Variants in PTPRT observed in about 807,000 individuals in gnomAD.
PTPRT encodes protein tyrosine phosphatase receptor type T, also known as receptor-type tyrosine-protein phosphatase T.
A neutral mutation model predicts 176.8 loss-of-function variants in PTPRT; 56 were observed. The observed-to-expected ratio is 0.32, with a 90% CI of 0.26 to 0.40. The LOEUF is 0.40. Among genes scored for constraint, PTPRT ranks in the 10% least tolerant of loss-of-function variants. The pLI, the probability that PTPRT is intolerant of heterozygous loss-of-function variation, is 1.00. For missense variants in PTPRT, 1,540 were observed against 1,908.2 expected (o/e 0.81, Z 3.60); for synonymous variants, 783 against 739.0 (o/e 1.06, Z -0.96).
At chr20:43,061,637 A>G (rs926223816) in intron 1 of PTPRT, among the ~76,000 whole-genome samples, 6 of 152,086 alleles carry the variant, frequency 3.9e-5, no homozygotes, top group African/African-American at 1.4e-4. Context: ...CTGAGCACTT[A>G]CTCCATGTCT....
At chr20:42,490,630 A>G (rs566339415) in intron 7 of PTPRT, among the ~76,000 whole-genome samples, 1 of 152,166 alleles carries the variant, frequency 6.6e-6, no homozygotes, top group African/African-American at 2.4e-5. Context: ...AAGGATTATC[A>G]TATCATCTAC....
At chr20:42,924,866 T>G (rs1222175864) in intron 1 of PTPRT, among the ~76,000 whole-genome samples, 1 of 152,206 alleles carries the variant, frequency 6.6e-6, no homozygotes, top group African/African-American at 2.4e-5. Context: ...ACCTGGGAGC[T>G]TGTTAAACGC....
intron 11 of PTPRT, among the ~76,000 whole-genome samples, chr20:42,320,611 A>G (rs2057786683): frequency 6.6e-6 from 1 of 152,196 alleles, no homozygotes. Flanking sequence ...GTTTCACTGC[A>G]AATGATGTAT....
At chr20:42,139,714 C>T (rs1988534861) in intron 18 of PTPRT, among the ~76,000 whole-genome samples, 1 of 152,218 alleles carries the variant, frequency 6.6e-6, no homozygotes, top group Non-Finnish European at 1.5e-5. Flanking sequence ...AGCTCAGAGT[C>T]TCAGGCATAG....
chr20:42,976,886 G>C (rs958352013), intron 1 of PTPRT, among the ~76,000 whole-genome samples: 1 of 152,130 alleles, frequency 6.6e-6, no homozygotes, highest in Non-Finnish European at 1.5e-5. Context: ...CCACCTCTGG[G>C]AACTGCAATT....
At chr20:42,141,135 G>A (rs931419634) in intron 18 of PTPRT, among the ~76,000 whole-genome samples, 12 of 152,270 alleles carry the variant, frequency 7.9e-5, no homozygotes, top group South Asian at 2.1e-4. Context: ...TTAGCTCTGC[G>A]TAACATGCCT....
At position 42,073,498 on chromosome 20, in the gene PTPRT, AG is replaced by A. The variant is rs1393985403; in HGVS notation, c.*7380del. On this transcript the variant is annotated 3_prime_UTR_variant, in exon 31 of 31. Transcript: ENST00000373187. ...ACCTCTGGAGATAATGTGTATGGTA[AG>A]AAAAGCCCTGCTCTGTGTCCTACTT... 1 of 208,512 alleles carries A rather than the reference AG, an allele frequency of 4.8e-6. No individual in the cohort carries two copies. Among genetic ancestry groups the A allele is most frequent in the Non-Finnish European group, 9.8e-6 (1 of 102,144 alleles). 12.9% of individuals were successfully genotyped at this position (208,512 alleles called of 1,614,324 possible). A position where few individuals can be genotyped will look rare whatever the true frequency, so the allele number is the denominator to read the frequency against.
At chr20:42,611,726 C>A (rs1224724041) in intron 7 of PTPRT, among the ~76,000 whole-genome samples, 1 of 152,194 alleles carries the variant, frequency 6.6e-6, no homozygotes, top group Non-Finnish European at 1.5e-5. Flanking sequence ...CCATCCCCTC[C>A]TGGCTGTGGG....
chr20:42,529,618 C>T (rs989218902), intron 7 of PTPRT, among the ~76,000 whole-genome samples: 7 of 152,224 alleles, frequency 4.6e-5, no homozygotes, highest in African/African-American at 1.4e-4. Flanking sequence ...TCCCGAGTAG[C>T]TGAGACTACA....
chr20:42,967,684 C>A (rs1982379147), intron 1 of PTPRT, among the ~76,000 whole-genome samples: 1 of 151,556 alleles, frequency 6.6e-6, no homozygotes, highest in Admixed American at 6.6e-5. Flanking sequence ...TTCACCAGCC[C>A]CCTAATACCT....
chr20:43,090,099 A>G (rs1161379108), intron 1 of PTPRT, among the ~76,000 whole-genome samples: 1 of 152,234 alleles, frequency 6.6e-6, no homozygotes, highest in East Asian at 1.9e-4. Flanking sequence ...CAAATCATTA[A>G]TGCTGGTGGA....
intron 16 of PTPRT, among the ~76,000 whole-genome samples, chr20:42,183,230 G>A (rs1230831909): frequency 6.6e-6 from 1 of 151,984 alleles, no homozygotes; most frequent in Non-Finnish European, 1.5e-5. Context: ...TTAATCCTAT[G>A]GTTCTAATAT....
intron 1 of PTPRT, among the ~76,000 whole-genome samples, chr20:42,890,952 C>T (rs1037170306): frequency 2.0e-5 from 3 of 152,180 alleles, no homozygotes; most frequent in African/African-American, 7.2e-5. Flanking sequence ...TAAGGGGTTT[C>T]CCCTTTCGCT....
chr20:42,661,951 T>G (rs989930132), intron 7 of PTPRT, among the ~76,000 whole-genome samples: 1 of 152,200 alleles, frequency 6.6e-6, no homozygotes, highest in East Asian at 1.9e-4. Flanking sequence ...TGCCCTTGGC[T>G]TCCTCTGGCT....
intron 7 of PTPRT, among the ~76,000 whole-genome samples, chr20:42,545,051 G>T (rs528151521): frequency 2.0e-5 from 3 of 152,276 alleles, no homozygotes; most frequent in African/African-American, 7.2e-5. Context: ...CATACGGCCA[G>T]ACACCAAGCC....
chr20:42,887,681 A>T (rs965005010), intron 1 of PTPRT, among the ~76,000 whole-genome samples: 1 of 152,226 alleles, frequency 6.6e-6, no homozygotes. Context: ...GATCTGACAT[A>T]GAATACAGTC....
At chr20:42,912,592 G>C (rs190430528) in intron 1 of PTPRT, among the ~76,000 whole-genome samples, 256 of 152,246 alleles carry the variant, frequency 1.7e-3, no homozygotes, top group African/African-American at 5.9e-3. Context: ...TAGAGTATCA[G>C]ATACTTGCGT....
chr20:42,608,438 T>C (rs550308861), intron 7 of PTPRT, among the ~76,000 whole-genome samples: 5 of 152,290 alleles, frequency 3.3e-5, no homozygotes, highest in Admixed American at 2.6e-4. Context: ...CCTTGGATAA[T>C]AGCTTTGATT....
At chr20:42,350,224 T>TTTTTTTTTTTTTG (rs2058258671) in intron 11 of PTPRT, among the ~76,000 whole-genome samples, 1 of 25,618 alleles carries the variant, frequency 3.9e-5, no homozygotes, top group Non-Finnish European at 8.2e-5. Context: ...GTTTTTTTTT[T>TTTTTTTTTTTTTG]TTTTTTTTTT....
Sources: gnomAD v4.1 joint callset for allele counts (sites outside exome capture counted in the v4.1 genomes callset) on GRCh38, gnomAD v4.1.1 for gene constraint, MANE v1.5 for transcripts, NCBI Gene and HGNC (gene_info 2026-07-23, HGNC 2026-07-21) for gene names.